Variants in ABCA4 observed in about 807,000 individuals in gnomAD.
The protein encoded by ABCA4 is ATP binding cassette subfamily A member 4, also known as retinal-specific phospholipid-transporting ATPase ABCA4.
ABCA4 carries 196 observed loss-of-function variants against 263.7 expected under a neutral mutation model. That is an observed-to-expected ratio of 0.74 (90% CI 0.66 to 0.84). The LOEUF (loss-of-function observed/expected upper bound fraction) is 0.84, where lower values mean the gene tolerates loss of function less well. ABCA4 is among the 40% of genes least tolerant of loss of function. ABCA4 has a pLI of 0.00. For synonymous variants in ABCA4, 1,133 were observed against 1,094.2 expected, an observed-to-expected ratio of 1.04 and a Z score of -0.70; for missense variants, 2,792 against 2,855.1, an observed-to-expected ratio of 0.98 and a Z score of 0.50.
rs1352367618 is a variant in ABCA4 at position 94,078,713 on chromosome 1, C to T, written c.1240-7G>A. The T allele has an allele frequency of 2.5e-6, 4 of 1,597,108 alleles. No individual in the cohort carries two copies. The African/African-American group carries it at 5.4e-5, about 21-fold the overall frequency. On this transcript the variant is annotated splice_polypyrimidine_tract_variant and splice_region_variant and intron_variant, in intron 9 of 49. Transcript: ENST00000370225. ...CTTCAAAAGTTGAGTTGGCCTAAAA[C>T]CAGACAGAGATCAAGACAGAGACAC...
chr1:94,121,010 C>G lies in ABCA4; in HGVS notation c.36G>C (p.Trp12Cys), dbSNP rs761209432. 1 of 1,613,230 alleles carries G rather than the reference C, an allele frequency of 6.2e-7. No individual in the cohort carries two copies. The highest frequency in any genetic ancestry group is 1.3e-5 in the African/African-American group (1 of 74,694). ...GFVRQIQLLL[W>C]KNWTLRKRQK... Reference sequence around the variant, plus strand: ...GCCTTTTCCGCAGGGTCCAGTTCTTCCAGAGCAAAAGCTGTATCTGTCTCA... The same window carrying G: ...GCCTTTTCCGCAGGGTCCAGTTCTTGCAGAGCAAAAGCTGTATCTGTCTCA... The change falls in exon 1 of 50, where the codon TGG becomes TGC. Residue 12 changes from tryptophan to cysteine, a missense_variant. Physicochemically the swap from Trp to Cys is radical, Grantham distance 215. Coordinates refer to ENST00000370225, the MANE Select transcript of ABCA4 (RefSeq NM_000350.3).
At chr1:94,095,749 G>GTTT (rs4147879) in intron 6 of ABCA4, among the ~76,000 whole-genome samples, 77 of 136,932 alleles carry the variant, frequency 5.6e-4, no homozygotes, top group African/African-American at 1.6e-3. Flanking sequence ...TTTCTTTCAG[G>GTTT]TTTTTTTTTT....
intron 23 of ABCA4, among the ~76,000 whole-genome samples, chr1:94,040,660 C>A (rs1422754633): frequency 1.3e-5 from 2 of 151,918 alleles, no homozygotes; most frequent in Non-Finnish European, 2.9e-5. Flanking sequence ...GAAAAAAATA[C>A]TAAAAAAAAG....
At chr1:94,058,064 C>T (rs1661026795) in intron 14 of ABCA4, among the ~76,000 whole-genome samples, 1 of 152,180 alleles carries the variant, frequency 6.6e-6, no homozygotes, top group African/African-American at 2.4e-5. Flanking sequence ...CATTTGTCTG[C>T]TGTGGCTGCC....
rs367978707 is a variant in ABCA4, at chr1:93,998,542, A to T, written c.6480-432T>A. ...AACAACAAAAAAAGAAATACTGGGG[A>T]TTAAAGGCCCATACCATAGACCTGT... On this transcript the variant is annotated intron_variant, in intron 47 of 49. Coordinates refer to ENST00000370225, the MANE Select transcript of ABCA4 (RefSeq NM_000350.3). Among the ~76,000 whole-genome samples the T allele has an allele frequency of 1.8e-4, 27 of 152,198 alleles. 2 individuals are homozygous for T. The highest frequency in any genetic ancestry group is 9.8e-4 in the Admixed American group (15 of 15,282).
Position 94,021,647 on chromosome 1 carries a change from T to C in ABCA4, c.4841A>G (p.Asn1614Ser). The C allele has an allele frequency of 6.2e-7, 1 of 1,611,774 alleles. No individual in the cohort carries two copies. Among genetic ancestry groups the C allele is most frequent in the Non-Finnish European group, 8.5e-7 (1 of 1,178,568 alleles). ...DFLKHLETEDNIKVWFNNKGW... is the reference protein window; with the variant it reads ...DFLKHLETEDSIKVWFNNKGW... ...TATACATAGGTCAAGTACCTTAATG[T>C]TGTCTTCAGTTTCTAGATGTTTAAG... Residue 1614 changes from asparagine to serine, a missense_variant, in exon 34 of 50, where the codon AAC (asparagine) becomes AGC (serine). Coordinates refer to ENST00000370225, the MANE Select transcript of ABCA4 (RefSeq NM_000350.3).
intron 48 of ABCA4, among the ~76,000 whole-genome samples, 184 bp from the exon 49 acceptor site, chr1:93,996,379 C>A (rs184157703): frequency 6.6e-6 from 1 of 152,362 alleles, no homozygotes; most frequent in African/African-American, 2.4e-5. Context: ...CTGGTCAGAG[C>A]TAGCTTCTTA....
chr1:94,019,615 G>A lies in ABCA4; in HGVS notation c.5163C>T (p.Thr1721=), dbSNP rs144619288. The A allele has an allele frequency of 1.9e-6, 3 of 1,610,546 alleles. No individual in the cohort carries two copies. Among genetic ancestry groups the A allele is most frequent in the African/African-American group, 2.7e-5 (2 of 74,894 alleles). ...HLQFISGVSP[T]TYWVTNFLWD... ...AGAGGAAGTTGGTCACCCAGTAGGT[G>A]GTGGGGCTCACTCCACTGATAAACT... The change falls in exon 36 of 50, where the codon ACC becomes ACT. Residue 1721 remains threonine (T), a synonymous_variant. Coordinates refer to ENST00000370225, the MANE Select transcript of ABCA4 (RefSeq NM_000350.3).
At position 94,001,715 on chromosome 1, in the gene ABCA4, T is replaced by A. The variant is rs147103408; in HGVS notation, c.6282+143A>T. The A allele has an allele frequency of 8.5e-5, 107 of 1,265,152 alleles. No homozygotes were observed. In the African/African-American group the frequency reaches 1.4e-3, roughly 16 times the overall value. 78.4% of individuals were successfully genotyped at this position (1,265,152 alleles called of 1,614,324 possible). ...GTGAACCAAACACTGGGCTGATCGC[T>A]CAAAATGAGCAACACAGGAAACAGT... On this transcript the variant is annotated intron_variant, in intron 45 of 49. Coordinates refer to ENST00000370225, the MANE Select transcript of ABCA4 (RefSeq NM_000350.3).
At position 94,034,090 on chromosome 1, in the gene ABCA4, A is replaced by G. The variant is rs532249056; in HGVS notation, c.3863-2047T>C. ...GTTACTGACTATGAGTCACCCCTTC[A>G]GAAGTGGCATTGACCCTTGTTGGAG... On this transcript the variant is annotated intron_variant, in intron 26 of 49. Transcript: ENST00000370225. 7.2e-5 allele frequency among the ~76,000 whole-genome samples: 11 copies of G among 152,258 alleles called. No homozygotes were observed. The South Asian group carries it at 1.2e-3, about 17-fold the overall frequency.
chr1:94,041,133 C>T (rs914927470), intron 23 of ABCA4, 76 bp downstream of exon 23: 5 of 1,474,188 alleles, frequency 3.4e-6, no homozygotes, highest in Non-Finnish European at 4.7e-6. Flanking sequence ...TGTGAGTAGC[C>T]ATGTCTGGAG....
At chr1:94,063,376 C>G (rs1661183119) in intron 11 of ABCA4, 59 bp from the exon 12 acceptor site, 1 of 1,508,386 alleles carries the variant, frequency 6.6e-7, no homozygotes, top group Non-Finnish European at 9.2e-7. Context: ...AGACTCAACT[C>G]TACACACAGA....
At chr1:94,078,763 A>C in intron 9 of ABCA4, 57 bp from the exon 10 acceptor site, 3 of 1,258,760 alleles carry the variant, frequency 2.4e-6, no homozygotes, top group Non-Finnish European at 3.4e-6. Flanking sequence ...GTGAGAGAGA[A>C]CTTTTGGTTG....
At chr1:94,080,792 A>G in intron 7 of ABCA4, 74 bp from the exon 8 acceptor site, 1 of 1,599,412 alleles carries the variant, frequency 6.3e-7, no homozygotes, top group South Asian at 1.1e-5. Context: ...CAATGCTCCA[A>G]CGTTTGGTTT....
At chr1:94,088,788 T>C (rs1192240850) in intron 6 of ABCA4, among the ~76,000 whole-genome samples, 3 of 152,084 alleles carry the variant, frequency 2.0e-5, no homozygotes, top group African/African-American at 7.2e-5. Flanking sequence ...AAAGAAGCTA[T>C]GCAGACAAAA....
chr1:94,082,777 C>G (rs1661736145), intron 7 of ABCA4, among the ~76,000 whole-genome samples: 1 of 152,202 alleles, frequency 6.6e-6, no homozygotes, highest in African/African-American at 2.4e-5. Flanking sequence ...GTGTGTTCAT[C>G]ATCATATCCC....
intron 38 of ABCA4, among the ~76,000 whole-genome samples, chr1:94,014,109 G>A (rs956929145): frequency 3.9e-5 from 6 of 152,106 alleles, no homozygotes; most frequent in African/African-American, 1.4e-4. Context: ...CAAGAATCAA[G>A]TTTTGCTTGC....
chr1:94,119,154 G>C (rs1429648535), intron 1 of ABCA4, among the ~76,000 whole-genome samples: 1 of 152,044 alleles, frequency 6.6e-6, no homozygotes, highest in East Asian at 1.9e-4. Flanking sequence ...ATGAATACAT[G>C]AAAAAATTTA....
At chr1:94,044,574 G>A in intron 20 of ABCA4, 39 bp downstream of exon 20, 1 of 1,614,160 alleles carries the variant, frequency 6.2e-7, no homozygotes, top group Non-Finnish European at 8.5e-7. Context: ...CAGAGGTGAG[G>A]AGAGGGGATG....
Sources: allele counts gnomAD v4.1 joint callset (sites outside exome capture counted in the v4.1 genomes callset), GRCh38; gene constraint gnomAD v4.1.1; transcripts MANE v1.5; gene names NCBI Gene and HGNC (gene_info 2026-07-23, HGNC 2026-07-21).